CPS1: variants seen among roughly 807,000 people sequenced by gnomAD.
The protein encoded by CPS1 is carbamoyl-phosphate synthase 1.
Under a neutral mutation model 174.6 loss-of-function variants are expected in CPS1, and 109 were observed. That is an observed-to-expected ratio of 0.62 (90% CI 0.53 to 0.73). The LOEUF (loss-of-function observed/expected upper bound fraction) is 0.73. Ranked by LOEUF, CPS1 falls within the 30% of genes least tolerant of loss-of-function variation. CPS1 has a pLI of 0.00. For synonymous variants in CPS1, 637 were observed against 632.0 expected, an observed-to-expected ratio of 1.01 and a Z score of -0.12; for missense variants, 1,689 against 1,821.9, an observed-to-expected ratio of 0.93 and a Z score of 1.33.
intron 1 of CPS1, among the ~76,000 whole-genome samples, chr2:210,570,469 G>T (rs1180583527): frequency 6.6e-6 from 1 of 151,822 alleles, no homozygotes; most frequent in Non-Finnish European, 1.5e-5. Flanking sequence ...ATCAGAAAGT[G>T]TCTAACCCAG....
chr2:210,517,006 A>G (rs1308909160), intron 1 of CPS1, among the ~76,000 whole-genome samples: 1 of 151,826 alleles, frequency 6.6e-6, no homozygotes, highest in African/African-American at 2.4e-5. Context: ...CTTTATGCAT[A>G]TATTAATATA....
intron 34 of CPS1, among the ~76,000 whole-genome samples, chr2:210,669,679 G>T (rs114532282): frequency 6.6e-6 from 1 of 152,102 alleles, no homozygotes; most frequent in Non-Finnish European, 1.5e-5. Context: ...ACTTGCAATT[G>T]TGAAGCTTAA....
chr2:210,487,976 G>C (rs765542008), intron 1 of CPS1, among the ~76,000 whole-genome samples: 5 of 152,142 alleles, frequency 3.3e-5, no homozygotes. Context: ...ATGGGGATGT[G>C]TCCTAGTTCT....
intron 37 of CPS1, 147 bp from the exon 38 acceptor site, chr2:210,677,740 A>G (rs550134740): frequency 1.3e-6 from 1 of 765,298 alleles, no homozygotes; most frequent in African/African-American, 1.7e-5. Flanking sequence ...ACATGGGAGA[A>G]AGTCTCCATT....
intron 1 of CPS1, among the ~76,000 whole-genome samples, chr2:210,508,696 A>T (rs899922503): frequency 2.0e-5 from 3 of 152,228 alleles, no homozygotes; most frequent in African/African-American, 7.2e-5. Context: ...GATAAAGGGG[A>T]TATCACCACT....
intron 1 of CPS1, among the ~76,000 whole-genome samples, chr2:210,482,678 G>A (rs200188929): frequency 1.8e-4 from 3 of 16,716 alleles, no homozygotes; most frequent in East Asian, 1.1e-3. Flanking sequence ...GAGAGAGAAA[G>A]AGAGAGAGAG....
intron 19 of CPS1, among the ~76,000 whole-genome samples, chr2:210,609,487 T>G (rs1197359453): frequency 6.6e-6 from 1 of 152,008 alleles, no homozygotes; most frequent in Non-Finnish European, 1.5e-5. Context: ...CTTGCAGGAT[T>G]CTTATAATAC....
intron 1 of CPS1, among the ~76,000 whole-genome samples, chr2:210,518,164 A>T (rs1352915008): frequency 6.6e-6 from 1 of 152,012 alleles, no homozygotes; most frequent in African/African-American, 2.4e-5. Context: ...TTCTCAAGGT[A>T]CCAACTATTG....
At position 210,677,896 on chromosome 2, in the gene CPS1, C is replaced by G. The variant is rs767806428; in HGVS notation, c.4414C>G (p.Leu1472Val). ...ACCATTATATTTTCAGGTGACCAAA[C>G]TTTTTGCTGAAGCTGTGCAGAAATC... ...PLLTNFQVTK[L>V]FAEAVQKSRK... Residue 1472 changes from leucine to valine, a missense_variant, in exon 38 of 38, where the codon CTT (leucine) becomes GTT (valine). Transcript: ENST00000233072. 3.1e-6 allele frequency: 5 copies of G among 1,613,700 alleles called. No homozygotes were observed. Among genetic ancestry groups the G allele is most frequent in the Non-Finnish European group, 3.4e-6 (4 of 1,179,764 alleles).
chr2:210,527,055 A>G (rs111503281), intron 1 of CPS1, among the ~76,000 whole-genome samples: 2,421 of 151,954 alleles, frequency 0.016, 51 homozygotes, highest in African/African-American at 0.05. Context: ...GTACCTTTGA[A>G]TTTTTATTAA....
chr2:210,662,718 C>G (rs1331283467), intron 32 of CPS1, among the ~76,000 whole-genome samples: 1 of 152,126 alleles, frequency 6.6e-6, no homozygotes. Context: ...TTCAAATGAT[C>G]AGAACAAGAA....
At chr2:210,571,715 T>C (rs1191576524) in intron 1 of CPS1, among the ~76,000 whole-genome samples, 27 of 152,036 alleles carry the variant, frequency 1.8e-4, no homozygotes, top group Admixed American at 1.8e-3. Flanking sequence ...ATCTTATTTC[T>C]ACAGAGAGAA....
chr2:210,485,231 CAA>C (rs753781683), intron 1 of CPS1, among the ~76,000 whole-genome samples: 3 of 94,248 alleles, frequency 3.2e-5, no homozygotes, highest in African/African-American at 3.4e-5. Flanking sequence ...GACTACATCT[CAA>C]AAAAAAAAAA....
chr2:210,566,309 T>C (rs1697300566), intron 1 of CPS1, among the ~76,000 whole-genome samples: 1 of 152,156 alleles, frequency 6.6e-6, no homozygotes, highest in South Asian at 2.1e-4. Context: ...TCCTTATTCA[T>C]CACAGCATCT....
intron 1 of CPS1, among the ~76,000 whole-genome samples, chr2:210,508,769 A>G (rs1022681209): frequency 1.3e-5 from 2 of 152,242 alleles, no homozygotes; most frequent in African/African-American, 4.8e-5. Flanking sequence ...CAAATAAACT[A>G]GAAAATCTAG....
chr2:210,661,400 A>G (rs1256412179), intron 32 of CPS1, among the ~76,000 whole-genome samples: 7 of 152,198 alleles, frequency 4.6e-5, no homozygotes, highest in African/African-American at 1.7e-4. Context: ...TGAAATTAAT[A>G]TATTTATGTA....
intron 27 of CPS1, 81 bp downstream of exon 27, chr2:210,648,621 A>G (rs1457521921): frequency 3.0e-5 from 32 of 1,060,856 alleles, no homozygotes; most frequent in South Asian, 3.8e-5. Context: ...TAATAGCACT[A>G]GGGTTCTATA....
chr2:210,491,307 G>GTTTTTTTTTTTTTTTTTTTTTTTTTTTTT (rs66825517), intron 1 of CPS1, among the ~76,000 whole-genome samples: 1 of 50,352 alleles, frequency 2.0e-5, no homozygotes, highest in African/African-American at 1.0e-4. Flanking sequence ...TGGTATCTGT[G>GTTTTTTTTTTTTTTTTTTTTTTTTTTTTT]TTTTTTTTTT....
At chr2:210,515,208 T>C (rs568901168) in intron 1 of CPS1, among the ~76,000 whole-genome samples, 1 of 151,878 alleles carries the variant, frequency 6.6e-6, no homozygotes, top group East Asian at 1.9e-4. Context: ...GAATGCTGGC[T>C]TCATAGAATG....
Sources: gnomAD v4.1 joint callset for allele counts (sites outside exome capture counted in the v4.1 genomes callset) on GRCh38, gnomAD v4.1.1 for gene constraint, MANE v1.5 for transcripts, NCBI Gene and HGNC (gene_info 2026-07-23, HGNC 2026-07-21) for gene names.